PCDHA13: variants seen among roughly 807,000 people sequenced by gnomAD.
The protein encoded by PCDHA13 is protocadherin alpha-13.
PCDHA13 carries 54 observed loss-of-function variants against 64.8 expected under a neutral mutation model. The observed-to-expected ratio is 0.83, with a 90% CI of 0.67 to 1.04. The LOEUF is 1.04. Ranked by LOEUF, PCDHA13 falls within the 50% of genes least tolerant of loss-of-function variation. The probability of loss-of-function intolerance (pLI) is 0.00; values close to 1 mark genes in which losing one functional copy is unlikely to be tolerated. For missense variants in PCDHA13, 1,248 were observed against 1,254.3 expected, an observed-to-expected ratio of 0.99 and a Z score of 0.08; for synonymous variants, 587 against 564.4, an observed-to-expected ratio of 1.04 and a Z score of -0.57.
intron 1 of PCDHA13, chr5:140,928,537 A>G (rs2085311063): frequency 1.2e-6 from 2 of 1,614,198 alleles, no homozygotes; most frequent in African/African-American, 2.7e-5. Context: ...GGTAGATAGG[A>G]ATGACAATTA....
chr5:140,989,019 T>C (rs1429425323), intron 3 of PCDHA13: 1 of 152,238 alleles, frequency 6.6e-6, no homozygotes, highest in East Asian at 1.9e-4. Context: ...TATAGTTTCT[T>C]CAGTTATCAT....
At chr5:140,993,727 T>C (rs1482867785) in intron 3 of PCDHA13, among the ~76,000 whole-genome samples, 1 of 152,220 alleles carries the variant, frequency 6.6e-6, no homozygotes, top group Non-Finnish European at 1.5e-5. Context: ...ACCTTTTCTA[T>C]GTTTAGATAC....
At chr5:140,998,943 G>T (rs1366415632) in intron 3 of PCDHA13, among the ~76,000 whole-genome samples, 2 of 152,212 alleles carry the variant, frequency 1.3e-5, no homozygotes, top group African/African-American at 2.4e-5. Flanking sequence ...TGAAGAAACT[G>T]TAAGTCAATG....
rs781866730 is a variant in PCDHA13 at position 141,009,887 on chromosome 5, CAG to C, written c.2804_2805del (p.Gln935ArgfsTer11). ...GAAAAAGAAGAAGGGTAACAAGACCCAGGAGAAAAAAGAGAAAGGGAACAGCA... is the reference window on the plus strand; with the variant it reads ...GAAAAAGAAGAAGGGTAACAAGACCCGAGAAAAAAGAGAAAGGGAACAGCA... ...KKKKKKGNKTQEKKEKGNSTT... is the reference protein window; with the variant it reads ...KKKKKKGNKTXEKKEKGNSTT... On this transcript the variant is annotated frameshift_variant, in exon 4 of 4. Transcript: ENST00000289272. LOFTEE classifies it high-confidence loss of function. 1.9e-6 allele frequency: 3 copies of C among 1,612,850 alleles called. No homozygotes were observed. In the South Asian group the frequency reaches 3.3e-5, roughly 18 times the overall value.
At chr5:140,929,174 G>A (rs782544510) in intron 1 of PCDHA13, 2 of 1,614,140 alleles carry the variant, frequency 1.2e-6, no homozygotes, top group East Asian at 4.5e-5. Context: ...GCCTCTCTGG[G>A]ACTTGGTTCT....
intron 1 of PCDHA13, among the ~76,000 whole-genome samples, chr5:140,913,707 A>T (rs1355291016): frequency 6.6e-6 from 1 of 152,120 alleles, no homozygotes; most frequent in Non-Finnish European, 1.5e-5. Flanking sequence ...CAATGTAGGC[A>T]ATTACAGCTA....
At chr5:141,005,701 C>CA (rs59860837) in intron 3 of PCDHA13, among the ~76,000 whole-genome samples, 506 of 7,758 alleles carry the variant, frequency 0.065, 109 homozygotes, top group Non-Finnish European at 0.076. Context: ...AACTCCGTCT[C>CA]AAAAAAAAAA....
At chr5:140,928,453 T>C in intron 1 of PCDHA13, 1 of 1,613,888 alleles carries the variant, frequency 6.2e-7, no homozygotes, top group Non-Finnish European at 8.5e-7. Context: ...GCTCAGGGGG[T>C]TTCATTTCCA....
chr5:140,927,481 G>T, intron 1 of PCDHA13: 1 of 1,614,072 alleles, frequency 6.2e-7, no homozygotes, highest in Non-Finnish European at 8.5e-7. Context: ...CGAACAGCGC[G>T]CCACCCACCT....
chr5:140,967,431 T>G, intron 1 of PCDHA13: 1 of 1,613,498 alleles, frequency 6.2e-7, no homozygotes, highest in Non-Finnish European at 8.5e-7. Flanking sequence ...CAGGCAGCCT[T>G]GCACCACCTG....
intron 1 of PCDHA13, among the ~76,000 whole-genome samples, chr5:140,891,388 C>A (rs2063075244): frequency 6.6e-6 from 1 of 151,946 alleles, no homozygotes; most frequent in South Asian, 2.1e-4. Flanking sequence ...TATTTGCAAT[C>A]TTTTATCCCT....
At chr5:140,892,283 C>T (rs1554185144) in intron 1 of PCDHA13, among the ~76,000 whole-genome samples, 1 of 152,172 alleles carries the variant, frequency 6.6e-6, no homozygotes, top group African/African-American at 2.4e-5. Context: ...GTATTAAACA[C>T]TTCTTCCTGG....
Position 140,926,837 on chromosome 5 carries a change from G to A in PCDHA13, c.2394+42175G>A, listed in dbSNP as rs1170899993. 11 of 1,513,410 alleles carry A rather than the reference G, an allele frequency of 7.3e-6. No individual in the cohort carries two copies. In the African/African-American group the frequency reaches 1.4e-4, roughly 19 times the overall value. 93.7% of individuals were successfully genotyped at this position (1,513,410 alleles called of 1,614,324 possible). ...GTGCTCTCCAGGAGTCCGGAGCATG[G>A]TCCTGGGTCACCGTTGGTGTAGCGT... On this transcript the variant is annotated intron_variant, in intron 1 of 3. Coordinates refer to ENST00000289272, the MANE Select transcript of PCDHA13 (RefSeq NM_018904.3).
At chr5:140,898,059 G>C (rs372963837) in intron 1 of PCDHA13, among the ~76,000 whole-genome samples, 2 of 151,948 alleles carry the variant, frequency 1.3e-5, no homozygotes, top group Non-Finnish European at 1.5e-5. Flanking sequence ...TTGTAAATTT[G>C]TTTGAGTTCA....
chr5:140,882,435 T>C lies in PCDHA13; in HGVS notation c.167T>C (p.Leu56Pro). ...GRIAQDLGLE[L>P]AELVPRLFRV... ...ATCGCTCAGGACCTGGGGCTGGAGC[T>C]GGCGGAGCTGGTGCCGCGCCTGTTC... The change falls in exon 1 of 4, where the codon CTG (leucine) becomes CCG (proline). Residue 56 changes from leucine to proline, a missense_variant. Leu to Pro is a moderately conservative substitution (Grantham distance 98). Transcript: ENST00000289272. 1.2e-6 allele frequency: 2 copies of C among 1,614,036 alleles called. No individual in the cohort carries two copies. Among genetic ancestry groups the C allele is most frequent in the East Asian group, 4.5e-5 (2 of 44,882 alleles).
chr5:140,966,845 C>T, intron 1 of PCDHA13: 2 of 1,570,442 alleles, frequency 1.3e-6, no homozygotes, highest in South Asian at 2.3e-5. Context: ...GCTGCTACTG[C>T]CTCTCCTGCT....
chr5:140,895,023 T>C (rs781895966), intron 1 of PCDHA13, among the ~76,000 whole-genome samples: 2 of 152,204 alleles, frequency 1.3e-5, no homozygotes, highest in Non-Finnish European at 2.9e-5. Flanking sequence ...TTTCCTTTGT[T>C]TAATTGTCCC....
chr5:140,905,327 T>G (rs1446614190), intron 1 of PCDHA13, among the ~76,000 whole-genome samples: 1 of 152,202 alleles, frequency 6.6e-6, no homozygotes, highest in Non-Finnish European at 1.5e-5. Flanking sequence ...TATGCTTTGT[T>G]GAAGATCAGT....
chr5:140,918,429 G>A (rs2078693094), intron 1 of PCDHA13, among the ~76,000 whole-genome samples: 1 of 152,164 alleles, frequency 6.6e-6, no homozygotes, highest in Non-Finnish European at 1.5e-5. Flanking sequence ...GTAGGATGTT[G>A]AATAGGAGTG....
Sources: allele counts gnomAD v4.1 joint callset (sites outside exome capture counted in the v4.1 genomes callset), GRCh38; gene constraint gnomAD v4.1.1; transcripts MANE v1.5; gene names NCBI Gene and HGNC (gene_info 2026-07-23, HGNC 2026-07-21).